Variants in SCEL observed in about 807,000 individuals in gnomAD.
SCEL encodes the protein sciellin.
A neutral mutation model predicts 117.6 loss-of-function variants in SCEL; 113 were observed. The observed-to-expected ratio is 0.96, with a 90% CI of 0.83 to 1.12. SCEL has a LOEUF of 1.12. Among genes scored for constraint, SCEL ranks in the 50% most tolerant of loss-of-function variants. The pLI, the probability that SCEL is intolerant of heterozygous loss-of-function variation, is 0.00. For synonymous variants in SCEL, 270 were observed against 256.2 expected, an observed-to-expected ratio of 1.05 and a Z score of -0.51; for missense variants, 785 against 810.8, an observed-to-expected ratio of 0.97 and a Z score of 0.39.
intron 9 of SCEL, among the ~76,000 whole-genome samples, chr13:77,575,259 T>C (rs2085875150): frequency 6.6e-6 from 1 of 152,216 alleles, no homozygotes; most frequent in South Asian, 2.1e-4. Context: ...TAAACTTTTT[T>C]TTTTTATCAA....
chr13:77,554,004 T>G (rs993782811), intron 1 of SCEL, among the ~76,000 whole-genome samples: 14 of 152,090 alleles, frequency 9.2e-5, no homozygotes, highest in Non-Finnish European at 1.9e-4. Context: ...ATGGTCATGA[T>G]GAATACATTG....
intron 11 of SCEL, 101 bp from the exon 12 acceptor site, chr13:77,593,413 T>A: frequency 1.2e-6 from 1 of 815,898 alleles, no homozygotes; most frequent in Non-Finnish European, 2.0e-6. Context: ...GAACACCACC[T>A]AGACTATTTA....
chr13:77,617,724 A>G, intron 25 of SCEL, 66 bp downstream of exon 25: 1 of 1,462,612 alleles, frequency 6.8e-7, no homozygotes, highest in South Asian at 1.2e-5. Context: ...TTATTACTTC[A>G]AGCAGATTTA....
chr13:77,613,081 A>G, intron 23 of SCEL, 140 bp downstream of exon 23: 2 of 566,338 alleles, frequency 3.5e-6, no homozygotes, highest in Non-Finnish European at 6.3e-6. Flanking sequence ...ATAATGCTGG[A>G]TAGATTTTTC....
rs1446036884 is a variant in SCEL at position 77,567,114 on chromosome 13, T to TC, written c.291-566_291-565insC. 3.3e-5 allele frequency among the ~76,000 whole-genome samples: 5 copies of TC among 152,174 alleles called. No homozygotes were observed. The East Asian group carries it at 9.7e-4, about 29-fold the overall frequency. On this transcript the variant is annotated intron_variant, in intron 5 of 32. Transcript: ENST00000349847. ...AAAATAATGAAAATGAAAATAGAGTTAAATGCTCAATGAGTCAGAAAGACA... is the reference window on the plus strand; with the variant it reads ...AAAATAATGAAAATGAAAATAGAGTTCAAATGCTCAATGAGTCAGAAAGACA...
intron 25 of SCEL, 42 bp from the exon 26 acceptor site, chr13:77,617,761 C>A: frequency 6.5e-7 from 1 of 1,547,016 alleles, no homozygotes; most frequent in Non-Finnish European, 8.9e-7. Context: ...ACCAAAAGAA[C>A]TTCAAAATTA....
At chr13:77,612,764 A>G (rs1434886809) in intron 22 of SCEL, 127 bp from the exon 23 acceptor site, 2 of 512,262 alleles carry the variant, frequency 3.9e-6, no homozygotes, top group Non-Finnish European at 6.9e-6. Context: ...TTTTTACATA[A>G]GGCTAAAAGT....
chr13:77,614,518 TG>T (rs1419854072), intron 24 of SCEL, among the ~76,000 whole-genome samples: 1 of 152,176 alleles, frequency 6.6e-6, no homozygotes, highest in African/African-American at 2.4e-5. Context: ...TTTTTGTCTA[TG>T]GTTAAATGAA....
intron 1 of SCEL, among the ~76,000 whole-genome samples, chr13:77,551,835 C>G (rs1410276539): frequency 2.1e-5 from 2 of 95,866 alleles, no homozygotes; most frequent in Non-Finnish European, 3.9e-5. Flanking sequence ...CTAAAGCTAT[C>G]CCTCCCCCCT....
rs1413487549 is a variant in SCEL at position 77,572,201 on chromosome 13, G to T, written c.545+12G>T. On this transcript the variant is annotated intron_variant, in intron 9 of 32. Transcript: ENST00000349847. ...GGAACCAGGAGACGGTAAGGGAAAGGTGTCAGGCGTAATTGCTGTGCCATT... is the reference window on the plus strand; with the variant it reads ...GGAACCAGGAGACGGTAAGGGAAAGTTGTCAGGCGTAATTGCTGTGCCATT... The T allele has an allele frequency of 2.5e-6, 4 of 1,595,136 alleles. No individual in the cohort carries two copies. The highest frequency in any genetic ancestry group is 3.4e-6 in the Non-Finnish European group (4 of 1,163,872).
At chr13:77,542,873 T>C (rs7336672) in intron 1 of SCEL, among the ~76,000 whole-genome samples, 3,813 of 152,246 alleles carry the variant, frequency 0.025, 158 homozygotes, top group African/African-American at 0.085. Context: ...GAAAATGGTT[T>C]TATGGCATTT....
chr13:77,544,097 G>A (rs1005590524), intron 1 of SCEL, among the ~76,000 whole-genome samples: 4 of 152,072 alleles, frequency 2.6e-5, no homozygotes, highest in African/African-American at 9.7e-5. Context: ...CAACCTAAAG[G>A]CATGTAAGGC....
chr13:77,632,409 G>T (rs1287257335), intron 28 of SCEL, among the ~76,000 whole-genome samples: 2 of 152,144 alleles, frequency 1.3e-5, no homozygotes, highest in South Asian at 2.1e-4. Context: ...TCTTAGCTAG[G>T]TTTGTTATTC....
chr13:77,535,974 G>C (rs1026491430), intron 1 of SCEL, 150 bp downstream of exon 1: 18 of 152,068 alleles, frequency 1.2e-4, no homozygotes, highest in African/African-American at 4.3e-4. Flanking sequence ...CTGGCTGTTA[G>C]CTCTGCTCTT....
chr13:77,640,618 A>C (rs1038577978), intron 30 of SCEL, 58 bp from the exon 31 acceptor site: 4 of 767,596 alleles, frequency 5.2e-6, no homozygotes, highest in African/African-American at 1.8e-5. Context: ...GTTTATAGGG[A>C]ATACATCTGT....
chr13:77,585,756 A>G (rs1423634440), intron 9 of SCEL, among the ~76,000 whole-genome samples: 3 of 151,906 alleles, frequency 2.0e-5, no homozygotes, highest in African/African-American at 7.3e-5. Context: ...ACCCAACCTA[A>G]TATCACACTG....
chr13:77,600,949 T>C (rs1044480670), intron 15 of SCEL, among the ~76,000 whole-genome samples: 2 of 152,230 alleles, frequency 1.3e-5, no homozygotes, highest in Non-Finnish European at 2.9e-5. Flanking sequence ...GATGCATTCT[T>C]AACCCTTTAT....
At chr13:77,567,134 A>C (rs2085334654) in intron 5 of SCEL, among the ~76,000 whole-genome samples, 1 of 152,226 alleles carries the variant, frequency 6.6e-6, no homozygotes, top group Non-Finnish European at 1.5e-5. Flanking sequence ...ATGAGTCAGA[A>C]AGACAAACAG....
In SCEL at chr13:77,636,777, T is replaced by G. The variant is rs2090298497; in HGVS notation, c.1764-343T>G. 2.0e-5 allele frequency among the ~76,000 whole-genome samples: 3 copies of G among 152,222 alleles called. No individual in the cohort carries two copies. The South Asian group carries it at 6.2e-4, about 32-fold the overall frequency. On this transcript the variant is annotated intron_variant, in intron 29 of 32. Coordinates refer to ENST00000349847, the MANE Select transcript of SCEL (RefSeq NM_144777.3). ...CTGTGTGCTTGCCCTGTTTGTGCTT[T>G]GTGTATTTTCTTTATCTACTTTACA...
Sources: allele counts gnomAD v4.1 joint callset (sites outside exome capture counted in the v4.1 genomes callset), GRCh38; gene constraint gnomAD v4.1.1; transcripts MANE v1.5; gene names NCBI Gene and HGNC (gene_info 2026-07-23, HGNC 2026-07-21).